The following CEP83 variants were observed in gnomAD, a reference collection of about 807,000 sequenced individuals.
CEP83 encodes the protein centrosomal protein of 83 kDa.
CEP83 carries 70 observed loss-of-function variants against 101.9 expected under a neutral mutation model. The ratio of observed to expected loss-of-function variants is 0.69; its 90% confidence interval spans 0.57 to 0.84. CEP83 has a LOEUF of 0.84. CEP83 is among the 40% of genes least tolerant of loss of function. The probability of loss-of-function intolerance (pLI) is 0.00; values close to 1 mark genes in which losing one functional copy is unlikely to be tolerated. For missense variants in CEP83, 715 were observed against 787.2 expected, an observed-to-expected ratio of 0.91 and a Z score of 1.10; for synonymous variants, 264 against 267.9, an observed-to-expected ratio of 0.99 and a Z score of 0.14.
intron 7 of CEP83, among the ~76,000 whole-genome samples, chr12:94,377,529 AT>A (rs2061614300): frequency 6.6e-6 from 1 of 152,178 alleles, no homozygotes; most frequent in African/African-American, 2.4e-5. Flanking sequence ...GAAAAAAACT[AT>A]TTTCTTCATA....
chr12:94,343,665 A>AT (rs551392280), intron 11 of CEP83, among the ~76,000 whole-genome samples: 19 of 144,366 alleles, frequency 1.3e-4, no homozygotes, highest in Non-Finnish European at 1.5e-4. Flanking sequence ...AATTTTTTGT[A>AT]TTTTTTTTTA....
At chr12:94,449,667 G>A (rs2067089832) in intron 1 of CEP83, among the ~76,000 whole-genome samples, 1 of 150,992 alleles carries the variant, frequency 6.6e-6, no homozygotes, top group Admixed American at 6.6e-5. Context: ...CAGCCACTTG[G>A]GAGGCGGAAG....
At chr12:94,448,463 C>T (rs769436916) in intron 1 of CEP83, among the ~76,000 whole-genome samples, 1 of 152,056 alleles carries the variant, frequency 6.6e-6, no homozygotes, top group Non-Finnish European at 1.5e-5. Context: ...AAATACCACC[C>T]AATGATTGCA....
rs748751520 is a variant in CEP83 at position 94,368,159 on chromosome 12, T to C, written c.1091A>G (p.His364Arg). Residue 364 changes from histidine (H) to arginine (R), a missense_variant, in exon 10 of 17, where the codon CAT (histidine) becomes CGT (arginine). Transcript: ENST00000397809. ...DNEILKAAVEHHKVLLVEKDR... is the reference protein window; with the variant it reads ...DNEILKAAVERHKVLLVEKDR... ...CTTTTCTACTAAGAGCACTTTGTGA[T>C]GTTCAACAGCTGCTTTGAGAATTTC... The C allele has an allele frequency of 5.6e-6, 9 of 1,613,108 alleles. No homozygotes were observed. The highest frequency in any genetic ancestry group is 1.1e-5 in the South Asian group (1 of 90,934).
the CEP83 span, among the ~76,000 whole-genome samples, chr12:94,285,679 CAGG>C: frequency 1.1e-4 from 16 of 152,248 alleles, no homozygotes; most frequent in Admixed American, 7.8e-4. Flanking sequence ...AGGTAATGGC[CAGG>C]AGGAGATCGG....
chr12:94,444,165 G>A (rs1023999993), intron 1 of CEP83, among the ~76,000 whole-genome samples: 7 of 152,284 alleles, frequency 4.6e-5, no homozygotes, highest in East Asian at 3.9e-4. Flanking sequence ...TTGGGAGACC[G>A]AGGTGGGCAG....
chr12:94,306,235 AAAGAT>A (rs1383226514), downstream of CEP83: 1 of 152,108 alleles, frequency 6.6e-6, no homozygotes, highest in African/African-American at 2.4e-5. Context: ...TTAAAAAAAA[AAAGAT>A]ACATTTTACA....
intron 1 of CEP83, among the ~76,000 whole-genome samples, chr12:94,439,975 A>G (rs2066280082): frequency 6.6e-6 from 1 of 152,210 alleles, no homozygotes; most frequent in Non-Finnish European, 1.5e-5. Flanking sequence ...AAAGCATGAC[A>G]AAATTCAGAT....
chr12:94,285,356 C>G, the CEP83 span, among the ~76,000 whole-genome samples: 1 of 152,192 alleles, frequency 6.6e-6, no homozygotes, highest in African/African-American at 2.4e-5. Context: ...ACAGAGAACA[C>G]CCATCCTTGG....
chr12:94,281,955 C>T, the CEP83 span: 1 of 273,100 alleles, frequency 3.7e-6, no homozygotes, highest in East Asian at 1.0e-4. Context: ...CATATCATGC[C>T]TCTCTTTGTG....
chr12:94,278,302 T>C, the CEP83 span, among the ~76,000 whole-genome samples: 1 of 152,268 alleles, frequency 6.6e-6, no homozygotes, highest in East Asian at 1.9e-4. Context: ...TGCTATGTTA[T>C]GCTATTTGCA....
the CEP83 span, among the ~76,000 whole-genome samples, chr12:94,289,846 G>A: frequency 2.0e-5 from 3 of 152,004 alleles, no homozygotes; most frequent in Non-Finnish European, 2.9e-5. Flanking sequence ...TCACACATAC[G>A]CGCTCACACA....
At chr12:94,347,068 TAC>T (rs1555225269) in intron 11 of CEP83, among the ~76,000 whole-genome samples, 3 of 147,414 alleles carry the variant, frequency 2.0e-5, no homozygotes, top group Admixed American at 6.8e-5. Context: ...TATATATATA[TAC>T]ACATACACAC....
intron 11 of CEP83, among the ~76,000 whole-genome samples, chr12:94,362,445 C>G (rs374007196): frequency 6.6e-6 from 1 of 152,134 alleles, no homozygotes; most frequent in Admixed American, 6.5e-5. Flanking sequence ...CACAGTGAAA[C>G]CCCGTCTCTA....
In CEP83 at chr12:94,376,025, A is replaced by G. The variant is rs765268389; in HGVS notation, c.802-8T>C. 2 of 1,529,108 alleles carry G rather than the reference A, an allele frequency of 1.3e-6. No homozygotes were observed. Among genetic ancestry groups the G allele is most frequent in the South Asian group, 2.6e-5 (2 of 76,008 alleles). 94.7% of individuals were successfully genotyped at this position (1,529,108 alleles called of 1,614,324 possible). A position where few individuals can be genotyped will look rare whatever the true frequency, so the allele number is the denominator to read the frequency against. ...AGCTGATTGTTTTTCAGCCTTTCATACAAACAAAATAGTTTAAAATTCATC... is the reference window on the plus strand; with the variant it reads ...AGCTGATTGTTTTTCAGCCTTTCATGCAAACAAAATAGTTTAAAATTCATC... On this transcript the variant is annotated splice_region_variant and splice_polypyrimidine_tract_variant and intron_variant, in intron 7 of 16. Transcript: ENST00000397809.
At chr12:94,320,883 T>C (rs548933688) in intron 14 of CEP83, among the ~76,000 whole-genome samples, 27 of 152,192 alleles carry the variant, frequency 1.8e-4, no homozygotes, top group Non-Finnish European at 3.1e-4. Flanking sequence ...TATCTTCCTG[T>C]GTAGAATTTT....
chr12:94,282,544 G>A, the CEP83 span: 111 of 618,654 alleles, frequency 1.8e-4, 1 homozygote, highest in Middle Eastern at 6.2e-3. Flanking sequence ...GTTTTCTTTC[G>A]TTGCTTGTGC....
chr12:94,453,806 T>C (rs766491548), intron 1 of CEP83, among the ~76,000 whole-genome samples: 2 of 152,106 alleles, frequency 1.3e-5, no homozygotes, highest in Non-Finnish European at 2.9e-5. Context: ...CCCACAAAAT[T>C]ACAGTGCCTA....
At chr12:94,271,980 G>A in the CEP83 span, among the ~76,000 whole-genome samples, 1 of 152,254 alleles carries the variant, frequency 6.6e-6, no homozygotes, top group Non-Finnish European at 1.5e-5. Flanking sequence ...TACAACCTGT[G>A]GCAGACAGTA....
Sources: allele counts gnomAD v4.1 joint callset (sites outside exome capture counted in the v4.1 genomes callset), GRCh38; gene constraint gnomAD v4.1.1; transcripts MANE v1.5; gene names NCBI Gene and HGNC (gene_info 2026-07-23, HGNC 2026-07-21).